Variants in GRK3 observed in about 807,000 individuals in gnomAD.
GRK3 encodes the protein G protein-coupled receptor kinase 3.
In GRK3, 54 loss-of-function variants were observed where a neutral mutation model predicts 95.7. That is an observed-to-expected ratio of 0.56 (90% CI 0.45 to 0.71). The LOEUF (loss-of-function observed/expected upper bound fraction) is 0.71. GRK3 is among the 30% of genes least tolerant of loss of function. GRK3 has a pLI of 0.00. For synonymous variants in GRK3, 281 were observed against 290.8 expected (o/e 0.97, Z 0.34); for missense variants, 649 against 851.2 (o/e 0.76, Z 2.96).
intron 14 of GRK3, 86 bp from the exon 15 acceptor site, chr22:25,704,023 T>A: frequency 1.1e-6 from 1 of 935,372 alleles, no homozygotes; most frequent in Non-Finnish European, 1.7e-6. Context: ...ACTATGCTTA[T>A]CCCAGTAATA....
rs997616413 is a variant in GRK3 at position 25,723,245 on chromosome 22, A to G, written c.*795A>G. The G allele has an allele frequency of 6.6e-6, 1 of 152,222 alleles. No individual in the cohort carries two copies. The highest frequency in any genetic ancestry group is 1.5e-5 in the Non-Finnish European group (1 of 68,054). The allele number at this position is 152,222 out of a possible 1,614,324, so 9.4% of individuals were successfully genotyped here. A position where few individuals can be genotyped will look rare whatever the true frequency, so the allele number is the denominator to read the frequency against. ...GTCCAGTGTGCACGAGTCGACAAGC[A>G]GTACCTGGCATGCAGGAGCACTCAT... On this transcript the variant is annotated 3_prime_UTR_variant, in exon 21 of 21. Coordinates refer to ENST00000324198, the MANE Select transcript of GRK3 (RefSeq NM_005160.4).
chr22:25,710,275 C>G (rs981430787), intron 16 of GRK3, among the ~76,000 whole-genome samples: 3 of 152,260 alleles, frequency 2.0e-5, no homozygotes, highest in African/African-American at 7.2e-5. Flanking sequence ...AATTCAAATG[C>G]ACATATAATT....
At chr22:25,607,860 C>T (rs1254185746) in intron 2 of GRK3, among the ~76,000 whole-genome samples, 12 of 152,052 alleles carry the variant, frequency 7.9e-5, no homozygotes, top group East Asian at 1.9e-4. Context: ...GGATTACAAG[C>T]GTGAGCCACC....
chr22:25,687,513 A>G (rs755615107), intron 10 of GRK3, 24 bp from the exon 11 acceptor site: 2 of 1,611,356 alleles, frequency 1.2e-6, no homozygotes, highest in Non-Finnish European at 1.7e-6. Flanking sequence ...CATGCTTTGA[A>G]TTAAATTCTG....
intron 9 of GRK3, among the ~76,000 whole-genome samples, chr22:25,682,472 A>AG (rs529742675): frequency 3.3e-5 from 5 of 152,292 alleles, no homozygotes; most frequent in African/African-American, 1.2e-4. Context: ...AGTCATTTTA[A>AG]GGGGGGCTGA....
chr22:25,582,247 A>C (rs576026691), intron 1 of GRK3, among the ~76,000 whole-genome samples: 6 of 151,796 alleles, frequency 4.0e-5, no homozygotes, highest in Admixed American at 2.0e-4. Flanking sequence ...GTGCCACTGC[A>C]CTCCAGTCCA....
intron 2 of GRK3, among the ~76,000 whole-genome samples, chr22:25,609,296 G>C (rs113074478): frequency 0.052 from 7,899 of 151,972 alleles, 212 homozygotes; most frequent in Middle Eastern, 0.088. Flanking sequence ...TCCTGTTAGA[G>C]GAGCATGTTT....
At chr22:25,654,877 G>C (rs914831579) in intron 3 of GRK3, among the ~76,000 whole-genome samples, 1 of 152,068 alleles carries the variant, frequency 6.6e-6, no homozygotes, top group African/African-American at 2.4e-5. Context: ...TTCTGGCTTG[G>C]CACATGGTGG....
At chr22:25,581,105 A>G (rs951332181) in intron 1 of GRK3, 1 of 152,084 alleles carries the variant, frequency 6.6e-6, no homozygotes, top group Non-Finnish European at 1.5e-5. Flanking sequence ...ACAGAGTGAG[A>G]CTCTGTCTCA....
At chr22:25,721,179 G>T (rs1480085172) in intron 19 of GRK3, 105 bp from the exon 20 acceptor site, 2 of 550,858 alleles carry the variant, frequency 3.6e-6, no homozygotes, top group Admixed American at 3.9e-5. Flanking sequence ...AAAGAAAACC[G>T]AATGTGTTTT....
intron 9 of GRK3, among the ~76,000 whole-genome samples, chr22:25,682,682 G>A (rs1293006716): frequency 2.0e-5 from 3 of 152,090 alleles, no homozygotes; most frequent in African/African-American, 4.8e-5. Context: ...GAATCTAAGT[G>A]GATTTCATAG....
At chr22:25,689,921 A>G (rs548804632) in intron 11 of GRK3, among the ~76,000 whole-genome samples, 1 of 152,366 alleles carries the variant, frequency 6.6e-6, no homozygotes, top group African/African-American at 2.4e-5. Context: ...AACTGTTCCC[A>G]ACATTCCTGT....
chr22:25,703,398 C>T (rs532925628), intron 13 of GRK3, 112 bp from the exon 14 acceptor site: 1 of 726,326 alleles, frequency 1.4e-6, no homozygotes, highest in South Asian at 2.1e-5. Context: ...TGCATTTCTC[C>T]AGTTTTGAAT....
intron 5 of GRK3, among the ~76,000 whole-genome samples, chr22:25,664,552 G>A (rs765497264): frequency 7.7e-5 from 10 of 129,570 alleles, no homozygotes; most frequent in Non-Finnish European, 1.5e-4. Flanking sequence ...ACAGAGTCTC[G>A]CTCTGTCGCC....
At chr22:25,578,745 T>C (rs1213111475) in intron 1 of GRK3, among the ~76,000 whole-genome samples, 2 of 152,022 alleles carry the variant, frequency 1.3e-5, no homozygotes, top group Non-Finnish European at 2.9e-5. Context: ...GGCAAGGAAA[T>C]GGCCTGTCCC....
chr22:25,609,030 T>G (rs2084474628), intron 2 of GRK3, among the ~76,000 whole-genome samples: 2 of 152,242 alleles, frequency 1.3e-5, no homozygotes, highest in Admixed American at 1.3e-4. Context: ...AAATATTAAG[T>G]TGATCCCTAA....
intron 1 of GRK3, among the ~76,000 whole-genome samples, chr22:25,590,810 A>G (rs1035946377): frequency 6.6e-6 from 1 of 152,180 alleles, no homozygotes; most frequent in African/African-American, 2.4e-5. Context: ...TCTCAAAACA[A>G]TAAAACAAAA....
intron 2 of GRK3, among the ~76,000 whole-genome samples, chr22:25,642,922 A>G (rs2084754034): frequency 6.6e-6 from 1 of 152,168 alleles, no homozygotes; most frequent in African/African-American, 2.4e-5. Flanking sequence ...AGATAGACCA[A>G]AAGTTTCAAT....
chr22:25,654,679 C>G (rs1453461074), intron 3 of GRK3, among the ~76,000 whole-genome samples: 2 of 152,180 alleles, frequency 1.3e-5, no homozygotes, highest in Non-Finnish European at 2.9e-5. Flanking sequence ...GTCACCTTGT[C>G]AAACACAGAG....
Sources: allele counts gnomAD v4.1 joint callset (sites outside exome capture counted in the v4.1 genomes callset), GRCh38; gene constraint gnomAD v4.1.1; transcripts MANE v1.5; gene names NCBI Gene and HGNC (gene_info 2026-07-23, HGNC 2026-07-21).